Variants in DACH1 observed in about 807,000 individuals in gnomAD.
The protein encoded by DACH1 is dachshund homolog 1.
A neutral mutation model predicts 54.2 loss-of-function variants in DACH1; 12 were observed. The observed-to-expected ratio is 0.22, with a 90% CI of 0.14 to 0.36. The LOEUF (loss-of-function observed/expected upper bound fraction) is 0.36, where lower values mean the gene tolerates loss of function less well. DACH1 is among the 10% of genes least tolerant of loss of function. DACH1 has a pLI of 1.00. For synonymous variants in DACH1, 386 were observed against 366.2 expected (o/e 1.05, Z -0.62); for missense variants, 805 against 929.8 (o/e 0.87, Z 1.75).
intron 10 of DACH1, among the ~76,000 whole-genome samples, chr13:71,447,811 G>GAA (rs745823885): frequency 8.1e-5 from 7 of 86,576 alleles, no homozygotes; most frequent in African/African-American, 8.7e-5. Context: ...CCAGCCTGGA[G>GAA]AAAAAAAAAA....
chr13:71,839,033 C>T (rs1250669059), intron 1 of DACH1, among the ~76,000 whole-genome samples: 5 of 152,164 alleles, frequency 3.3e-5, no homozygotes, highest in African/African-American at 7.2e-5. Context: ...GGTATTTCTT[C>T]GAGTCACAAT....
chr13:71,495,363 T>C (rs1039330019), intron 6 of DACH1, among the ~76,000 whole-genome samples: 2 of 151,822 alleles, frequency 1.3e-5, no homozygotes, highest in Non-Finnish European at 2.9e-5. Flanking sequence ...AACAATTACT[T>C]ATAAAAATAT....
At chr13:71,586,654 T>C (rs1873302804) in intron 3 of DACH1, among the ~76,000 whole-genome samples, 1 of 151,976 alleles carries the variant, frequency 6.6e-6, no homozygotes, top group Admixed American at 6.6e-5. Context: ...TTCCAAAAGA[T>C]ACCACAATAA....
At chr13:71,724,007 T>C (rs1265702299) in intron 1 of DACH1, among the ~76,000 whole-genome samples, 1 of 152,134 alleles carries the variant, frequency 6.6e-6, no homozygotes, top group Admixed American at 6.6e-5. Flanking sequence ...GTATTTTTGT[T>C]TTCACTTTCC....
rs1454125799 is a variant in DACH1 at position 71,866,640 on chromosome 13, T to A, written c.130A>T (p.Ile44Phe). ...SSATSSPAPSIGPPASSGPTL... is the reference protein window; with the variant it reads ...SSATSSPAPSFGPPASSGPTL... ...GGCCCAGAGGACGCCGGGGGTCCGA[T>A]GGAAGGAGCCGGAGACGAAGTCGCC... The change falls in exon 1 of 11, where the codon ATC becomes TTC. Residue 44 changes from isoleucine to phenylalanine, a missense_variant. By Grantham distance (21) the Ile-to-Phe change is conservative. Around this residue, in one of 3 missense-constraint regions of DACH1, gnomAD observed 305 missense variants for 308.7 expected, o/e 0.99. Transcript: ENST00000613252. The A allele has an allele frequency of 2.1e-6, 3 of 1,407,352 alleles. No homozygotes were observed. Among genetic ancestry groups the A allele is most frequent in the Non-Finnish European group, 1.9e-6 (2 of 1,073,126 alleles). The allele number at this position is 1,407,352 out of a possible 1,614,324, so 87.2% of individuals were successfully genotyped here.
chr13:71,505,514 G>A (rs1880241069), intron 6 of DACH1, among the ~76,000 whole-genome samples: 3 of 152,100 alleles, frequency 2.0e-5, no homozygotes, highest in Admixed American at 2.0e-4. Context: ...GTTTGTGTGT[G>A]TATACCTAAA....
intron 3 of DACH1, among the ~76,000 whole-genome samples, chr13:71,610,339 C>A (rs780888862): frequency 6.6e-6 from 1 of 152,164 alleles, no homozygotes; most frequent in Admixed American, 6.5e-5. Flanking sequence ...TACTGTCATA[C>A]AGAATATGAA....
chr13:71,713,723 A>C (rs1882837394), intron 1 of DACH1, among the ~76,000 whole-genome samples: 1 of 152,228 alleles, frequency 6.6e-6, no homozygotes, highest in African/African-American at 2.4e-5. Flanking sequence ...TATTAGATAA[A>C]TTGTAGTAGC....
chr13:71,859,010 C>T (rs771583773), intron 1 of DACH1, among the ~76,000 whole-genome samples: 7 of 151,448 alleles, frequency 4.6e-5, no homozygotes, highest in Non-Finnish European at 8.9e-5. Context: ...TGTTGCTGTG[C>T]TTGTAGTTTA....
intron 1 of DACH1, among the ~76,000 whole-genome samples, chr13:71,754,791 A>C (rs1050621315): frequency 6.6e-6 from 1 of 152,174 alleles, no homozygotes; most frequent in Non-Finnish European, 1.5e-5. Context: ...AACGTAAAAA[A>C]CGCCACTATC....
At chr13:71,642,372 G>T (rs1355080896) in intron 2 of DACH1, among the ~76,000 whole-genome samples, 1 of 152,144 alleles carries the variant, frequency 6.6e-6, no homozygotes, top group Non-Finnish European at 1.5e-5. Flanking sequence ...GAGAAACACC[G>T]ACCTATGCTA....
At chr13:71,802,440 A>G (rs1008658954) in intron 1 of DACH1, among the ~76,000 whole-genome samples, 2 of 152,034 alleles carry the variant, frequency 1.3e-5, no homozygotes, top group Non-Finnish European at 2.9e-5. Flanking sequence ...AGCATATTTA[A>G]TCTGTTCTGG....
intron 6 of DACH1, among the ~76,000 whole-genome samples, chr13:71,556,609 G>C (rs956303542): frequency 6.6e-6 from 1 of 151,952 alleles, no homozygotes; most frequent in African/African-American, 2.4e-5. Flanking sequence ...ATATATTTCT[G>C]TTTCCTTATT....
At chr13:71,467,464 A>G (rs1593739627) in intron 10 of DACH1, among the ~76,000 whole-genome samples, 1 of 151,358 alleles carries the variant, frequency 6.6e-6, no homozygotes, top group African/African-American at 2.4e-5. Context: ...TAACCTGCAC[A>G]TTGTGCACAT....
chr13:71,846,892 C>T (rs1473598224), intron 1 of DACH1, among the ~76,000 whole-genome samples: 1 of 151,924 alleles, frequency 6.6e-6, no homozygotes, highest in African/African-American at 2.4e-5. Context: ...TAATATAATC[C>T]CTATCAAACA....
chr13:71,768,951 G>C (rs978096428), intron 1 of DACH1, among the ~76,000 whole-genome samples: 2 of 151,656 alleles, frequency 1.3e-5, no homozygotes, highest in African/African-American at 4.8e-5. Context: ...ATTTTCATCT[G>C]TATTACACTA....
At chr13:71,750,936 A>T (rs1483051655) in intron 1 of DACH1, among the ~76,000 whole-genome samples, 1 of 152,212 alleles carries the variant, frequency 6.6e-6, no homozygotes, top group East Asian at 1.9e-4. Context: ...AAAAAAAATA[A>T]ATCCTATGTG....
chr13:71,443,773 T>G (rs896732458), intron 10 of DACH1, among the ~76,000 whole-genome samples: 1 of 152,130 alleles, frequency 6.6e-6, no homozygotes, highest in Non-Finnish European at 1.5e-5. Flanking sequence ...TAAATATTAC[T>G]GCAGTTCAGC....
chr13:71,746,344 TA>T (rs1884602529), intron 1 of DACH1, among the ~76,000 whole-genome samples: 1 of 152,330 alleles, frequency 6.6e-6, no homozygotes, highest in Non-Finnish European at 1.5e-5. Flanking sequence ...CTTCCCTTTA[TA>T]GATGACAAAG....
Sources: gnomAD v4.1 joint callset for allele counts (sites outside exome capture counted in the v4.1 genomes callset) on GRCh38, gnomAD v4.1.1 for gene constraint, gnomAD v4.1.1 regional missense constraint, MANE v1.5 for transcripts, NCBI Gene and HGNC (gene_info 2026-07-23, HGNC 2026-07-21) for gene names.